Variants in DTNA observed in about 807,000 individuals in gnomAD.
DTNA encodes the protein dystrophin-related protein 3.
In DTNA, 43 loss-of-function variants were observed where a neutral mutation model predicts 100.7. The observed-to-expected ratio is 0.43, with a 90% confidence interval of 0.33 to 0.55. DTNA has a LOEUF of 0.55. DTNA is among the 20% of genes least tolerant of loss of function. DTNA has a pLI of 0.04. For synonymous variants in DTNA, 349 were observed against 347.9 expected (o/e 1.00, Z -0.04); for missense variants, 798 against 953.9 (o/e 0.84, Z 2.15).
In DTNA at chr18:34,875,372, G is replaced by A. The variant is rs200805008; in HGVS notation, c.1877G>A (p.Gly626Glu). 1.2e-6 allele frequency: 2 copies of A among 1,614,204 alleles called. No individual in the cohort carries two copies. The highest frequency in any genetic ancestry group is 1.7e-6 in the Non-Finnish European group (2 of 1,180,050). The change falls in exon 18 of 23, where the codon GGA becomes GAA. Residue 626 changes from glycine to glutamate, a missense_variant. By Grantham distance (98) the Gly-to-Glu change is moderately conservative (BLOSUM62 -2). Transcript: ENST00000444659. Reference sequence around the variant, plus strand: ...CAGGACTCCCTCACAGGAGTAGGGGGAGATGTACAAGAGGCATTTGCACAA... The same window carrying A: ...CAGGACTCCCTCACAGGAGTAGGGGAAGATGTACAAGAGGCATTTGCACAA... ...TPQDSLTGVG[G>E]DVQEAFAQSS...
At chr18:34,518,062 G>T (rs2041820230) in intron 1 of DTNA, among the ~76,000 whole-genome samples, 1 of 152,068 alleles carries the variant, frequency 6.6e-6, no homozygotes, top group Non-Finnish European at 1.5e-5. Context: ...ATGTGTGAGG[G>T]ATTAAACTTC....
chr18:34,576,710 C>T (rs1260975064), intron 1 of DTNA, among the ~76,000 whole-genome samples: 1 of 152,150 alleles, frequency 6.6e-6, no homozygotes, highest in East Asian at 1.9e-4. Context: ...CTGCCTGCCT[C>T]AGCCTCCCGA....
intron 1 of DTNA, among the ~76,000 whole-genome samples, chr18:34,702,390 C>T (rs1197975486): frequency 1.3e-5 from 2 of 152,170 alleles, no homozygotes; most frequent in Non-Finnish European, 1.5e-5. Flanking sequence ...CGATACAAGT[C>T]AGAAATCATT....
chr18:34,769,927 G>A lies in DTNA; in HGVS notation c.148+3886G>A, dbSNP rs181715831. 6.4e-3 allele frequency among the ~76,000 whole-genome samples: 971 copies of A among 151,774 alleles called. 5 individuals carry two copies. Among genetic ancestry groups the A allele is most frequent in the African/African-American group, 0.023 (932 of 41,374 alleles). ...GTACAGACAGGGTTTCACCATGTTG[G>A]TCAGGCTGGTCTCAAACTCCTGACC... On this transcript the variant is annotated intron_variant, in intron 3 of 22. Coordinates refer to ENST00000444659, the MANE Select transcript of DTNA (RefSeq NM_001386795.1).
At chr18:34,515,865 G>T (rs1056898837) in intron 1 of DTNA, among the ~76,000 whole-genome samples, 2 of 152,056 alleles carry the variant, frequency 1.3e-5, no homozygotes, top group Non-Finnish European at 2.9e-5. Context: ...GGATCATGAC[G>T]TGCTTGTGGA....
intron 22 of DTNA, among the ~76,000 whole-genome samples, chr18:34,885,762 C>G (rs2150465390): frequency 6.6e-6 from 1 of 152,246 alleles, no homozygotes; most frequent in East Asian, 1.9e-4. Context: ...TATGCCTGCC[C>G]CTATGTTCAG....
intron 1 of DTNA, among the ~76,000 whole-genome samples, chr18:34,588,252 T>A (rs2049338844): frequency 6.6e-6 from 1 of 152,200 alleles, no homozygotes. Context: ...AAGTGTTTTA[T>A]GAGAAGAAAT....
chr18:34,752,546 T>A (rs1019722644), intron 1 of DTNA, among the ~76,000 whole-genome samples: 1 of 152,248 alleles, frequency 6.6e-6, no homozygotes, highest in Non-Finnish European at 1.5e-5. Flanking sequence ...CTCCCATTTT[T>A]ACTATTATGA....
intron 17 of DTNA, among the ~76,000 whole-genome samples, chr18:34,869,633 G>A (rs1447431651): frequency 1.3e-5 from 2 of 152,178 alleles, no homozygotes; most frequent in East Asian, 3.8e-4. Flanking sequence ...CTATATGAGT[G>A]CAATGAAACA....
intron 17 of DTNA, chr18:34,867,491 T>G: frequency 1.7e-6 from 2 of 1,204,472 alleles, no homozygotes; most frequent in East Asian, 3.4e-5. Flanking sequence ...TCCAATACAC[T>G]TAGATCATGG....
chr18:34,856,251 C>T (rs992384440), intron 15 of DTNA, among the ~76,000 whole-genome samples: 29 of 152,166 alleles, frequency 1.9e-4, no homozygotes, highest in African/African-American at 7.0e-4. Flanking sequence ...CTAGACATCC[C>T]AGGGCCAAAA....
At chr18:34,767,042 A>G (rs1325486993) in intron 3 of DTNA, among the ~76,000 whole-genome samples, 1 of 152,224 alleles carries the variant, frequency 6.6e-6, no homozygotes, top group Non-Finnish European at 1.5e-5. Context: ...GGAAAAAAAT[A>G]TTGATTCATA....
chr18:34,513,834 A>G (rs1393538737), intron 1 of DTNA: 1 of 152,178 alleles, frequency 6.6e-6, no homozygotes, highest in Non-Finnish European at 1.5e-5. Context: ...CAACAACTGC[A>G]TGAACAAGTA....
At chr18:34,832,313 T>C (rs1185722073) in intron 11 of DTNA, among the ~76,000 whole-genome samples, 1 of 152,234 alleles carries the variant, frequency 6.6e-6, no homozygotes, top group African/African-American at 2.4e-5. Context: ...TGCAGATAAT[T>C]CTTTACTTCA....
At chr18:34,703,953 CTT>C (rs1407079046) in intron 1 of DTNA, among the ~76,000 whole-genome samples, 1 of 152,164 alleles carries the variant, frequency 6.6e-6, no homozygotes, top group African/African-American at 2.4e-5. Flanking sequence ...ATATGCTTCT[CTT>C]TTTCTTTCCC....
At chr18:34,677,311 G>C (rs2077509870) in intron 1 of DTNA, among the ~76,000 whole-genome samples, 1 of 152,008 alleles carries the variant, frequency 6.6e-6, no homozygotes, top group African/African-American at 2.4e-5. Context: ...CATTGTTTAG[G>C]CTCCCTCCAA....
chr18:34,766,019 G>A lies in DTNA; in HGVS notation c.126G>A (p.Arg42=), dbSNP rs376001633. 472 of 1,613,618 alleles carry A rather than the reference G, an allele frequency of 2.9e-4. No homozygotes were observed. The highest frequency in any genetic ancestry group is 3.9e-4 in the Non-Finnish European group (463 of 1,179,752). ...CCTACAGAACAGCATGCAAGCTTAG[G>A]TTTGTTCAGAAGAAATGCAATTGTA... ...LSTYRTACKL[R]FVQKKCNLHL... is the part of the protein sequence containing the mutation. Residue 42 remains arginine, a synonymous_variant, in exon 3 of 23, where the codon AGG becomes AGA. Coordinates refer to ENST00000444659, the MANE Select transcript of DTNA (RefSeq NM_001386795.1).
At chr18:34,612,796 A>C (rs897133483) in intron 1 of DTNA, among the ~76,000 whole-genome samples, 1 of 152,186 alleles carries the variant, frequency 6.6e-6, no homozygotes, top group African/African-American at 2.4e-5. Flanking sequence ...CTTATGAAAC[A>C]CTATACATAT....
At chr18:34,607,784 A>G (rs1003911658) in intron 1 of DTNA, among the ~76,000 whole-genome samples, 1 of 152,162 alleles carries the variant, frequency 6.6e-6, no homozygotes, top group African/African-American at 2.4e-5. Context: ...AAATTGGGGT[A>G]CTTTGTTTCC....
Sources: allele counts gnomAD v4.1 joint callset (sites outside exome capture counted in the v4.1 genomes callset), GRCh38; gene constraint gnomAD v4.1.1; transcripts MANE v1.5; gene names NCBI Gene and HGNC (gene_info 2026-07-23, HGNC 2026-07-21).